The following CNTN4 variants were observed in gnomAD, a reference collection of about 807,000 sequenced individuals.
The protein encoded by CNTN4 is contactin-4.
A neutral mutation model predicts 122.5 loss-of-function variants in CNTN4; 77 were observed. That is an observed-to-expected ratio of 0.63 (90% confidence interval 0.52 to 0.76). The LOEUF is 0.76. Among genes scored for constraint, CNTN4 ranks in the 30% least tolerant of loss-of-function variants. The pLI is 0.00. For synonymous variants in CNTN4, 512 were observed against 447.0 expected (o/e 1.15, Z -1.83); for missense variants, 1,256 against 1,259.1 (o/e 1.00, Z 0.04).
At position 2,636,150 on chromosome 3, in the gene CNTN4, G is replaced by T. The variant is rs540338168; in HGVS notation, c.55+64592G>T. 1.1e-4 allele frequency among the ~76,000 whole-genome samples: 16 copies of T among 152,248 alleles called. No homozygotes were observed. The South Asian group carries it at 3.1e-3, about 30-fold the overall frequency. On this transcript the variant is annotated intron_variant, in intron 4 of 24. Coordinates refer to ENST00000418658, the MANE Select transcript of CNTN4 (RefSeq NM_175607.3). ...GTTGTCCCAGTGATTGGCTTTCTCT[G>T]CAGTGAAAAGCAGAACCTAGACCAA...
chr3:2,355,501 G>A (rs1189146059), intron 3 of CNTN4, among the ~76,000 whole-genome samples: 1 of 152,160 alleles, frequency 6.6e-6, no homozygotes, highest in Non-Finnish European at 1.5e-5. Context: ...GTACAGCTTT[G>A]TTCAGGTCAG....
chr3:2,315,174 AAGTT>A (rs2043051658), intron 2 of CNTN4, among the ~76,000 whole-genome samples: 3 of 151,966 alleles, frequency 2.0e-5, no homozygotes, highest in African/African-American at 4.8e-5. Flanking sequence ...AGGAATTTGA[AAGTT>A]AGTCAATATC....
chr3:2,789,172 C>G (rs1362404722), intron 6 of CNTN4, among the ~76,000 whole-genome samples: 1 of 152,106 alleles, frequency 6.6e-6, no homozygotes, highest in African/African-American at 2.4e-5. Context: ...AAATACTGGT[C>G]TCTAGAACCA....
At chr3:2,391,936 A>C (rs544402052) in intron 3 of CNTN4, among the ~76,000 whole-genome samples, 1 of 152,180 alleles carries the variant, frequency 6.6e-6, no homozygotes, top group African/African-American at 2.4e-5. Context: ...TGGGGCAAAT[A>C]TGGACAGCAG....
At chr3:2,110,967 A>G (rs1019334700) in intron 2 of CNTN4, among the ~76,000 whole-genome samples, 3 of 152,198 alleles carry the variant, frequency 2.0e-5, no homozygotes, top group Non-Finnish European at 2.9e-5. Context: ...AATGTTGGCT[A>G]TCTTACCTGT....
chr3:3,037,358 G>A (rs2125723923), intron 18 of CNTN4, 30 bp downstream of exon 18: 1 of 1,614,040 alleles, frequency 6.2e-7, no homozygotes, highest in Non-Finnish European at 8.5e-7. Flanking sequence ...CAGATCATCT[G>A]TTCTGCCAGC....
intron 10 of CNTN4, among the ~76,000 whole-genome samples, chr3:2,888,526 C>G (rs945661349): frequency 5.9e-5 from 9 of 152,080 alleles, no homozygotes; most frequent in Admixed American, 5.9e-4. Context: ...GCCAAAACCT[C>G]CACCCTCAGA....
rs1559415074 is a variant in CNTN4, at chr3:2,287,626, GAGAAGGAGAAGA to G, written c.-144-51546_-144-51535del. Reference sequence around the variant, plus strand: ...TAAAGAAAAGAAGGAGAAGGAGAAGGAGAAGGAGAAGAAGAAGAAGAAGAAGAAGAAGAAGAA... The same window carrying G: ...TAAAGAAAAGAAGGAGAAGGAGAAGGAGAAGAAGAAGAAGAAGAAGAAGAA... On this transcript the variant is annotated intron_variant, in intron 2 of 24. Coordinates refer to ENST00000418658, the MANE Select transcript of CNTN4 (RefSeq NM_175607.3). 9.7e-3 allele frequency among the ~76,000 whole-genome samples: 470 copies of G among 48,378 alleles called. 3 individuals are homozygous for G. The highest frequency in any genetic ancestry group is 0.019 in the Admixed American group (76 of 4,056). The allele number at this position is 48,378 out of a possible 152,430, so 31.7% of individuals were successfully genotyped here.
chr3:2,735,188 T>C (rs1037965054), intron 4 of CNTN4, among the ~76,000 whole-genome samples: 2 of 152,178 alleles, frequency 1.3e-5, no homozygotes, highest in Admixed American at 6.5e-5. Flanking sequence ...AAATATAGTT[T>C]TAAAATTATA....
At chr3:2,253,996 C>T (rs917800994) in intron 2 of CNTN4, among the ~76,000 whole-genome samples, 1 of 152,096 alleles carries the variant, frequency 6.6e-6, no homozygotes, top group Non-Finnish European at 1.5e-5. Context: ...GCCATCAACC[C>T]ATAATCTACA....
At chr3:2,818,284 T>C (rs1479868442) in intron 6 of CNTN4, among the ~76,000 whole-genome samples, 2 of 152,260 alleles carry the variant, frequency 1.3e-5, no homozygotes, top group Non-Finnish European at 2.9e-5. Context: ...CATGTCTATA[T>C]GTAACTTTTT....
intron 2 of CNTN4, among the ~76,000 whole-genome samples, chr3:2,253,403 G>A (rs1289354105): frequency 6.6e-6 from 1 of 151,522 alleles, no homozygotes; most frequent in Non-Finnish European, 1.5e-5. Flanking sequence ...GAATTAAAAA[G>A]TTGTAACACA....
intron 4 of CNTN4, among the ~76,000 whole-genome samples, chr3:2,675,582 A>T (rs1170419547): frequency 6.6e-6 from 1 of 152,232 alleles, no homozygotes; most frequent in Non-Finnish European, 1.5e-5. Flanking sequence ...CACGAAGACC[A>T]GGAAAAGACT....
In CNTN4 at chr3:2,274,479, T is replaced by C. The variant is rs143642282; in HGVS notation, c.-144-64699T>C. Reference sequence around the variant, plus strand: ...AATTGTTTTAGGATCTATGTTTGTTTTCTTTTCACCAAAACTAAAGAAACA... The same window carrying C: ...AATTGTTTTAGGATCTATGTTTGTTCTCTTTTCACCAAAACTAAAGAAACA... On this transcript the variant is annotated intron_variant, in intron 2 of 24. Transcript: ENST00000418658. Among the ~76,000 whole-genome samples the C allele has an allele frequency of 5.4e-3, 819 of 151,844 alleles. 5 individuals carry two copies. The highest frequency in any genetic ancestry group is 8.2e-3 in the Non-Finnish European group (559 of 67,936).
intron 23 of CNTN4, among the ~76,000 whole-genome samples, chr3:3,045,330 C>T (rs1235061288): frequency 6.6e-6 from 1 of 152,192 alleles, no homozygotes; most frequent in East Asian, 1.9e-4. Flanking sequence ...CAGACTCCCT[C>T]CTCAAGTGGT....
intron 4 of CNTN4, among the ~76,000 whole-genome samples, chr3:2,689,034 C>T (rs534492147): frequency 1.6e-4 from 25 of 152,260 alleles, no homozygotes; most frequent in African/African-American, 4.6e-4. Context: ...TAGTCTAACA[C>T]GACAGAGAGT....
At chr3:2,119,739 A>G (rs1299228630) in intron 2 of CNTN4, among the ~76,000 whole-genome samples, 4 of 152,172 alleles carry the variant, frequency 2.6e-5, no homozygotes, top group Admixed American at 6.5e-5. Flanking sequence ...TACAGGTATC[A>G]AGTGCTACTA....
chr3:2,283,279 G>T (rs1411568606), intron 2 of CNTN4, among the ~76,000 whole-genome samples: 1 of 152,054 alleles, frequency 6.6e-6, no homozygotes, highest in African/African-American at 2.4e-5. Context: ...ATTTCAGGGA[G>T]AATTGACCAT....
intron 3 of CNTN4, among the ~76,000 whole-genome samples, chr3:2,370,992 T>C (rs2045611234): frequency 6.6e-6 from 1 of 152,186 alleles, no homozygotes; most frequent in African/African-American, 2.4e-5. Context: ...GCTTGGCAAT[T>C]TCATAATTTC....
Sources: gnomAD v4.1 joint callset for allele counts (sites outside exome capture counted in the v4.1 genomes callset) on GRCh38, gnomAD v4.1.1 for gene constraint, MANE v1.5 for transcripts, NCBI Gene and HGNC (gene_info 2026-07-23, HGNC 2026-07-21) for gene names.